CELF4: variants seen among roughly 807,000 people sequenced by gnomAD.
CELF4 encodes CUG-BP- and ETR-3-like factor 4.
In CELF4, 18 loss-of-function variants were observed where a neutral mutation model predicts 59.9. The ratio of observed to expected loss-of-function variants is 0.30; its 90% CI spans 0.21 to 0.45. The LOEUF (loss-of-function observed/expected upper bound fraction) is 0.45. Ranked by LOEUF, CELF4 falls within the 20% of genes least tolerant of loss-of-function variation. The pLI is 1.00. For missense variants in CELF4, 456 were observed against 689.0 expected (o/e 0.66, Z 3.79); for synonymous variants, 261 against 267.1 (o/e 0.98, Z 0.22).
intron 3 of CELF4, among the ~76,000 whole-genome samples, chr18:37,301,686 C>T (rs751225209): frequency 6.6e-6 from 1 of 152,216 alleles, no homozygotes; most frequent in Non-Finnish European, 1.5e-5. Context: ...TGAACCACCG[C>T]TCTCTGTTGG....
chr18:37,340,770 C>T (rs77055365), intron 2 of CELF4, among the ~76,000 whole-genome samples: 51 of 152,324 alleles, frequency 3.3e-4, no homozygotes, highest in Non-Finnish European at 6.6e-4. Flanking sequence ...CAGTGAATCA[C>T]AGACACAGAG....
chr18:37,348,681 A>AAACAAC (rs1024900532), intron 2 of CELF4, among the ~76,000 whole-genome samples: 1 of 151,818 alleles, frequency 6.6e-6, no homozygotes, highest in South Asian at 2.1e-4. Flanking sequence ...CTATCCTCCA[A>AAACAAC]AACAACAACA....
chr18:37,495,580 T>C (rs2099924264), intron 1 of CELF4, among the ~76,000 whole-genome samples: 1 of 152,178 alleles, frequency 6.6e-6, no homozygotes, highest in South Asian at 2.1e-4. Context: ...TGTGTGTGTC[T>C]TATACCTGCA....
chr18:37,278,099 G>GT (rs1569499043), intron 3 of CELF4, among the ~76,000 whole-genome samples: 1 of 151,620 alleles, frequency 6.6e-6, no homozygotes, highest in African/African-American at 2.4e-5. Context: ...GGTTTTTTTT[G>GT]TTTTTTCCTA....
At chr18:37,361,189 G>A (rs1432680842) in intron 2 of CELF4, among the ~76,000 whole-genome samples, 1 of 152,202 alleles carries the variant, frequency 6.6e-6, no homozygotes, top group Admixed American at 6.5e-5. Context: ...CTTTGCAAGT[G>A]TTGCATTTTC....
chr18:37,407,496 G>A (rs945326362), intron 2 of CELF4, among the ~76,000 whole-genome samples: 3 of 152,022 alleles, frequency 2.0e-5, no homozygotes, highest in African/African-American at 7.2e-5. Flanking sequence ...ATGGATACCA[G>A]ATAAATATGT....
chr18:37,316,315 T>C (rs546152979), intron 3 of CELF4, among the ~76,000 whole-genome samples: 2 of 152,258 alleles, frequency 1.3e-5, no homozygotes, highest in East Asian at 1.9e-4. Flanking sequence ...TTTGCTTATA[T>C]TGGGGATAAA....
intron 1 of CELF4, among the ~76,000 whole-genome samples, chr18:37,547,845 G>A (rs114067824): frequency 2.0e-5 from 3 of 152,136 alleles, no homozygotes; most frequent in African/African-American, 4.8e-5. Flanking sequence ...GTGAGTATGT[G>A]TGTCTGTGTG....
At chr18:37,541,378 CCAA>C (rs1373255483) in intron 1 of CELF4, among the ~76,000 whole-genome samples, 1 of 152,076 alleles carries the variant, frequency 6.6e-6, no homozygotes, top group African/African-American at 2.4e-5. Flanking sequence ...ACCCAATCCA[CCAA>C]CAAGTCCTGG....
intron 1 of CELF4, chr18:37,528,879 CT>C (rs1384256596): frequency 6.6e-6 from 1 of 152,122 alleles, no homozygotes; most frequent in Non-Finnish European, 1.5e-5. Flanking sequence ...CAGCAGTATC[CT>C]TTTTTGCTGT....
chr18:37,337,006 G>A (rs978050737), intron 2 of CELF4, among the ~76,000 whole-genome samples: 11 of 152,156 alleles, frequency 7.2e-5, no homozygotes, highest in Non-Finnish European at 1.3e-4. Flanking sequence ...GGCCGCCTCC[G>A]GCTGTGCTCC....
At chr18:37,476,601 G>A (rs557423882) in intron 2 of CELF4, among the ~76,000 whole-genome samples, 15 of 152,244 alleles carry the variant, frequency 9.9e-5, no homozygotes, top group Admixed American at 3.9e-4. Flanking sequence ...TTGATGGCAT[G>A]TGGCAGCCCA....
chr18:37,488,191 G>A (rs2099885718), intron 1 of CELF4, among the ~76,000 whole-genome samples: 1 of 152,024 alleles, frequency 6.6e-6, no homozygotes, highest in African/African-American at 2.4e-5. Flanking sequence ...CACTTCCCTT[G>A]ACCACCCCAT....
rs922008028 is a variant in CELF4, at chr18:37,276,578, C to T, written c.449-1335G>A. The T allele has an allele frequency of 3.9e-5, 6 of 152,296 alleles. No homozygotes were observed. The East Asian group carries it at 7.7e-4, about 20-fold the overall frequency. 9.4% of individuals were successfully genotyped at this position (152,296 alleles called of 1,614,324 possible). On this transcript the variant is annotated intron_variant, in intron 3 of 12. Coordinates refer to ENST00000420428, the MANE Select transcript of CELF4 (RefSeq NM_020180.4). ...TGAGGCCCCAGCTGACAGCCAACATCGACCACCAGACACGTGAATGAATGA... is the reference window on the plus strand; with the variant it reads ...TGAGGCCCCAGCTGACAGCCAACATTGACCACCAGACACGTGAATGAATGA...
intron 12 of CELF4, among the ~76,000 whole-genome samples, chr18:37,247,855 G>C (rs1568735804): frequency 6.6e-6 from 1 of 152,118 alleles, no homozygotes; most frequent in Non-Finnish European, 1.5e-5. Flanking sequence ...GGGAGCAGGC[G>C]CTCTGCTTTT....
chr18:37,490,895 C>T (rs2099901370), intron 1 of CELF4, among the ~76,000 whole-genome samples: 1 of 152,162 alleles, frequency 6.6e-6, no homozygotes, highest in Non-Finnish European at 1.5e-5. Flanking sequence ...CCGGCACCAG[C>T]TCATAATGGA....
At position 37,310,263 on chromosome 18, in the gene CELF4, C is replaced by A. The variant is rs1047272886; in HGVS notation, c.448+11540G>T. 1.3e-5 allele frequency among the ~76,000 whole-genome samples: 2 copies of A among 152,070 alleles called. 1 individual carries two copies. The highest frequency in any genetic ancestry group is 1.3e-4 in the Admixed American group (2 of 15,264). ...ATGGAACTGGGACCAGAGGGCTTGGCGGGCAGTGAAGCCCAGCCAGGTCCC... is the reference window on the plus strand; with the variant it reads ...ATGGAACTGGGACCAGAGGGCTTGGAGGGCAGTGAAGCCCAGCCAGGTCCC... On this transcript the variant is annotated intron_variant, in intron 3 of 12. Coordinates refer to ENST00000420428, the MANE Select transcript of CELF4 (RefSeq NM_020180.4).
At chr18:37,372,229 C>T (rs1047373974) in intron 2 of CELF4, among the ~76,000 whole-genome samples, 2 of 152,186 alleles carry the variant, frequency 1.3e-5, no homozygotes, top group Non-Finnish European at 2.9e-5. Context: ...TTGGAACCAA[C>T]CCAAATGTCC....
At chr18:37,374,499 G>C (rs1375858815) in intron 2 of CELF4, among the ~76,000 whole-genome samples, 2 of 152,196 alleles carry the variant, frequency 1.3e-5, no homozygotes, top group East Asian at 3.9e-4. Context: ...GAGGCTCACT[G>C]CCTGTTGTGG....
Sources: gnomAD v4.1 joint callset for allele counts (sites outside exome capture counted in the v4.1 genomes callset) on GRCh38, gnomAD v4.1.1 for gene constraint, MANE v1.5 for transcripts, NCBI Gene and HGNC (gene_info 2026-07-23, HGNC 2026-07-21) for gene names.